The following PLEKHA5 variants were observed in gnomAD, a reference collection of about 807,000 sequenced individuals.
PLEKHA5 encodes pleckstrin homology domain-containing family A member 5.
A neutral mutation model predicts 181.9 loss-of-function variants in PLEKHA5; 55 were observed. The observed-to-expected ratio is 0.30, with a 90% CI of 0.24 to 0.38. PLEKHA5 has a LOEUF of 0.38. PLEKHA5 is among the 10% of genes least tolerant of loss of function. The pLI is 1.00. For synonymous variants in PLEKHA5, 535 were observed against 529.4 expected, an observed-to-expected ratio of 1.01 and a Z score of -0.15; for missense variants, 1,432 against 1,549.5, an observed-to-expected ratio of 0.92 and a Z score of 1.27.
intron 14 of PLEKHA5, among the ~76,000 whole-genome samples, chr12:19,291,259 G>A (rs917103276): frequency 9.9e-5 from 15 of 151,830 alleles, no homozygotes; most frequent in African/African-American, 2.9e-4. Flanking sequence ...TGAAAAGAAC[G>A]AACACATAAC....
chr12:19,309,809 T>G (rs1592434880), intron 15 of PLEKHA5, among the ~76,000 whole-genome samples: 1 of 152,114 alleles, frequency 6.6e-6, no homozygotes. Context: ...TGCAGTAGTA[T>G]TCTTAGGCAC....
chr12:19,322,926 C>CT (rs1458130754), intron 20 of PLEKHA5, among the ~76,000 whole-genome samples: 4 of 151,548 alleles, frequency 2.6e-5, no homozygotes, highest in African/African-American at 7.3e-5. Flanking sequence ...GACTATAACT[C>CT]ACTTGTAGCC....
At chr12:19,322,710 A>T (rs773723393) in intron 20 of PLEKHA5, 43 bp downstream of exon 20, 7 of 1,406,206 alleles carry the variant, frequency 5.0e-6, no homozygotes, top group Non-Finnish European at 7.0e-6. Context: ...TAGCTTAAAT[A>T]TGTAGTTCTA....
At chr12:19,219,017 A>G (rs975735382) in intron 3 of PLEKHA5, among the ~76,000 whole-genome samples, 3 of 149,240 alleles carry the variant, frequency 2.0e-5, no homozygotes, top group African/African-American at 7.5e-5. Flanking sequence ...ATTATTATTT[A>G]TTGAAAAAGA....
intron 3 of PLEKHA5, among the ~76,000 whole-genome samples, chr12:19,165,100 A>ACACT (rs2043991998): frequency 6.6e-6 from 1 of 152,158 alleles, no homozygotes; most frequent in Non-Finnish European, 1.5e-5. Flanking sequence ...AGTCTCTGGG[A>ACACT]CACTCACCCA....
Position 19,375,934 on chromosome 12 carries a change from CT to C in PLEKHA5, c.*423del, listed in dbSNP as rs3833977. 73,436 of 151,688 alleles carry C rather than the reference CT, an allele frequency of 0.48. 21,188 individuals carry two copies. The highest frequency in any genetic ancestry group is 0.66 in the Non-Finnish European group (44,908 of 67,806). The allele number at this position is 151,688 out of a possible 1,614,324, so 9.4% of individuals were successfully genotyped here. On this transcript the variant is annotated 3_prime_UTR_variant, in exon 32 of 32. Transcript: ENST00000429027. ...TATTATTTCCATTGAAGCTTGTTTTCTTTTTTTTCTTCCCATTTTAGCTACT... is the reference window on the plus strand; with the variant it reads ...TATTATTTCCATTGAAGCTTGTTTTCTTTTTTTCTTCCCATTTTAGCTACT...
At chr12:19,340,369 GA>G (rs2093766127) in intron 21 of PLEKHA5, among the ~76,000 whole-genome samples, 2 of 143,626 alleles carry the variant, frequency 1.4e-5, no homozygotes, top group South Asian at 2.3e-4. Context: ...GGGAGGCGGG[GA>G]GGTCAGCCCC....
intron 3 of PLEKHA5, among the ~76,000 whole-genome samples, chr12:19,215,997 A>G (rs1258885654): frequency 6.6e-6 from 1 of 152,206 alleles, no homozygotes; most frequent in Non-Finnish European, 1.5e-5. Flanking sequence ...AGAAGTAAAG[A>G]AAATCACAAA....
intron 10 of PLEKHA5, 122 bp downstream of exon 10, chr12:19,270,327 G>C: frequency 2.1e-6 from 1 of 485,982 alleles, no homozygotes; most frequent in Non-Finnish European, 3.5e-6. Context: ...GTGTTTTTCT[G>C]TAATAGTGTG....
At chr12:19,184,440 T>G (rs1207562828) in intron 3 of PLEKHA5, among the ~76,000 whole-genome samples, 3 of 152,222 alleles carry the variant, frequency 2.0e-5, no homozygotes, top group Non-Finnish European at 4.4e-5. Context: ...ACATGTGAGA[T>G]ACAGCTATGC....
chr12:19,164,552 A>C (rs1357017529), intron 3 of PLEKHA5, among the ~76,000 whole-genome samples: 3 of 152,016 alleles, frequency 2.0e-5, no homozygotes, highest in Non-Finnish European at 2.9e-5. Flanking sequence ...TGTGGCTATG[A>C]TGTTAATCTT....
chr12:19,160,034 G>A (rs976765121), intron 3 of PLEKHA5, among the ~76,000 whole-genome samples: 1 of 151,920 alleles, frequency 6.6e-6, no homozygotes, highest in Non-Finnish European at 1.5e-5. Context: ...ATTTGTTGAT[G>A]GGCCCCCATA....
chr12:19,283,691 A>G lies in PLEKHA5; in HGVS notation c.1725A>G (p.Pro575=). The change falls in exon 12 of 32, where the codon CCA becomes CCG. Residue 575 remains proline (P), a synonymous_variant. Coordinates refer to ENST00000429027, the MANE Select transcript of PLEKHA5 (RefSeq NM_001256470.2). The part of the protein sequence containing the change: ...QRTYRSEVSS[P]IQRGDVTIDR... ...CTTACAGATCGGAAGTGTCTTCACC[A>G]ATTCAGAGAGGAGATGTGACAATAG... is the stretch of plus-strand genomic sequence containing the variant. 1 of 1,614,110 alleles carries G rather than the reference A, an allele frequency of 6.2e-7. No homozygotes were observed. Among genetic ancestry groups the G allele is most frequent in the Non-Finnish European group, 8.5e-7 (1 of 1,180,002 alleles).
At chr12:19,314,609 G>GT (rs1425727288) in intron 15 of PLEKHA5, among the ~76,000 whole-genome samples, 1 of 152,120 alleles carries the variant, frequency 6.6e-6, no homozygotes, top group African/African-American at 2.4e-5. Flanking sequence ...GCAATTAGTA[G>GT]TTTTTTCTTG....
intron 3 of PLEKHA5, among the ~76,000 whole-genome samples, chr12:19,208,807 C>T (rs971434629): frequency 3.9e-5 from 6 of 151,994 alleles, no homozygotes; most frequent in African/African-American, 7.2e-5. Context: ...CTCTGCAGAT[C>T]GAATGTTGGC....
At chr12:19,225,993 C>T (rs1290495026) in intron 3 of PLEKHA5, among the ~76,000 whole-genome samples, 2 of 152,134 alleles carry the variant, frequency 1.3e-5, no homozygotes, top group East Asian at 3.8e-4. Context: ...CATATTAATG[C>T]TACGTTAGTT....
At chr12:19,178,059 G>A (rs1368887968) in intron 3 of PLEKHA5, among the ~76,000 whole-genome samples, 3 of 152,090 alleles carry the variant, frequency 2.0e-5, no homozygotes, top group Non-Finnish European at 2.9e-5. Flanking sequence ...CAACTTCCAC[G>A]GCTCCTGGTG....
chr12:19,316,907 T>C (rs188823177), intron 16 of PLEKHA5, among the ~76,000 whole-genome samples: 11 of 152,354 alleles, frequency 7.2e-5, no homozygotes, highest in African/African-American at 2.2e-4. Flanking sequence ...TAATAAGTTA[T>C]TGATATTTAG....
intron 3 of PLEKHA5, 136 bp downstream of exon 3, chr12:19,132,586 T>C (rs1431256546): frequency 1.9e-5 from 11 of 575,190 alleles, no homozygotes; most frequent in Admixed American, 3.8e-5. Flanking sequence ...TTCTTTATTT[T>C]GTATAGTGTC....
Sources: gnomAD v4.1 joint callset for allele counts (sites outside exome capture counted in the v4.1 genomes callset) on GRCh38, gnomAD v4.1.1 for gene constraint, MANE v1.5 for transcripts, NCBI Gene and HGNC (gene_info 2026-07-23, HGNC 2026-07-21) for gene names.